The following LOC128706666 variants were observed in gnomAD, a reference collection of about 807,000 sequenced individuals.
chr20:10,417,973 A>G, the LOC128706666 span, among the ~76,000 whole-genome samples: 1 of 152,210 alleles, frequency 6.6e-6, no homozygotes, highest in Non-Finnish European at 1.5e-5. Context: ...TATCAAATGC[A>G]ATACGTAGAC....
chr20:10,416,837 G>C, the LOC128706666 span, among the ~76,000 whole-genome samples: 1 of 152,180 alleles, frequency 6.6e-6, no homozygotes, highest in African/African-American at 2.4e-5. Flanking sequence ...TTTTGTAAAT[G>C]AAGTTTTATT....
At chr20:10,425,946 A>T in the LOC128706666 span, among the ~76,000 whole-genome samples, 1 of 152,244 alleles carries the variant, frequency 6.6e-6, no homozygotes, top group Non-Finnish European at 1.5e-5. Context: ...TAAATTTTAG[A>T]TCAAGTAAAA....
chr20:10,421,993 C>T, the LOC128706666 span, among the ~76,000 whole-genome samples: 1 of 152,034 alleles, frequency 6.6e-6, no homozygotes, highest in Admixed American at 6.6e-5. Context: ...TCCTAAATTA[C>T]TTTATTTTTG....
chr20:10,433,185 T>C, the LOC128706666 span, among the ~76,000 whole-genome samples: 1 of 152,246 alleles, frequency 6.6e-6, no homozygotes, highest in Non-Finnish European at 1.5e-5. Flanking sequence ...TTTGTACTTT[T>C]AGCAGAGACC....
At chr20:10,427,314 T>C in the LOC128706666 span, among the ~76,000 whole-genome samples, 1 of 152,220 alleles carries the variant, frequency 6.6e-6, no homozygotes, top group African/African-American at 2.4e-5. Flanking sequence ...TTGGACACAG[T>C]GTAAAACGGA....
the LOC128706666 span, among the ~76,000 whole-genome samples, chr20:10,427,778 AAC>A: frequency 6.6e-6 from 1 of 152,204 alleles, no homozygotes; most frequent in Non-Finnish European, 1.5e-5. Context: ...GTCTTGTAAA[AAC>A]ACACACCCCA....
At chr20:10,433,497 G>A in the LOC128706666 span, among the ~76,000 whole-genome samples, 4 of 152,214 alleles carry the variant, frequency 2.6e-5, no homozygotes, top group African/African-American at 9.7e-5. Context: ...AACTGAAGAT[G>A]TTAATGAATG....
At chr20:10,418,035 A>C in the LOC128706666 span, among the ~76,000 whole-genome samples, 18 of 152,354 alleles carry the variant, frequency 1.2e-4, no homozygotes, top group East Asian at 3.3e-3. Context: ...TTTTATAGAC[A>C]AATTCAGAAA....
At chr20:10,430,186 A>C in the LOC128706666 span, among the ~76,000 whole-genome samples, 1 of 152,266 alleles carries the variant, frequency 6.6e-6, no homozygotes, top group Non-Finnish European at 1.5e-5. Context: ...ACCAGTTTTC[A>C]GAAAGTCAAG....
the LOC128706666 span, among the ~76,000 whole-genome samples, chr20:10,429,664 T>C: frequency 6.6e-6 from 1 of 152,220 alleles, no homozygotes; most frequent in African/African-American, 2.4e-5. Context: ...CTTTTCCTCA[T>C]GCTCCTCATC....
At chr20:10,419,506 A>G in the LOC128706666 span, among the ~76,000 whole-genome samples, 1 of 152,218 alleles carries the variant, frequency 6.6e-6, no homozygotes, top group Non-Finnish European at 1.5e-5. Context: ...TATGAGGGAT[A>G]TGTTCCAAGA....
At chr20:10,431,327 A>G in the LOC128706666 span, among the ~76,000 whole-genome samples, 1 of 151,782 alleles carries the variant, frequency 6.6e-6, no homozygotes, top group Non-Finnish European at 1.5e-5. Context: ...AGGGATTAGC[A>G]ATTTTCACTT....
chr20:10,427,047 C>CACACACACAG, the LOC128706666 span, among the ~76,000 whole-genome samples: 1 of 137,984 alleles, frequency 7.2e-6, no homozygotes, highest in African/African-American at 2.6e-5. Context: ...CACACACACA[C>CACACACACAG]ACACACACAC....
the LOC128706666 span, among the ~76,000 whole-genome samples, chr20:10,426,423 T>G: frequency 6.6e-6 from 1 of 152,240 alleles, no homozygotes; most frequent in African/African-American, 2.4e-5. Context: ...TTTTTCTTTT[T>G]TTGGGACAGT....
the LOC128706666 span, among the ~76,000 whole-genome samples, chr20:10,414,651 TG>T: frequency 6.6e-6 from 1 of 152,228 alleles, no homozygotes; most frequent in African/African-American, 2.4e-5. Flanking sequence ...AATTGTGGTT[TG>T]CTTGGAAACT....
the LOC128706666 span, among the ~76,000 whole-genome samples, chr20:10,421,426 A>C: frequency 1.4e-4 from 22 of 152,176 alleles, no homozygotes; most frequent in African/African-American, 5.1e-4. Flanking sequence ...CAAAAAAAAA[A>C]AAAAAAAAAT....
At chr20:10,430,171 T>C in the LOC128706666 span, among the ~76,000 whole-genome samples, 1 of 152,246 alleles carries the variant, frequency 6.6e-6, no homozygotes, top group African/African-American at 2.4e-5. Flanking sequence ...ATCTAGATCC[T>C]GCCTACCAGT....
chr20:10,431,842 ATTC>A, the LOC128706666 span: 1 of 152,218 alleles, frequency 6.6e-6, no homozygotes, highest in Non-Finnish European at 1.5e-5. Flanking sequence ...AGGATGGCTT[ATTC>A]TTCTGCTTCA....
chr20:10,429,659 C>T, the LOC128706666 span, among the ~76,000 whole-genome samples: 1 of 152,198 alleles, frequency 6.6e-6, no homozygotes, highest in African/African-American at 2.4e-5. Context: ...CTGCCCTTTT[C>T]CTCATGCTCC....
Sources: gnomAD v4.1 joint callset for allele counts (sites outside exome capture counted in the v4.1 genomes callset) on GRCh38, gnomAD v4.1.1 for gene constraint, MANE v1.5 for transcripts.